The following PRRG1 variants were observed in gnomAD, a reference collection of about 807,000 sequenced individuals.
The protein encoded by PRRG1 is transmembrane gamma-carboxyglutamic acid protein 1.
In PRRG1, 5 loss-of-function variants were observed where a neutral mutation model predicts 11.8. The observed-to-expected ratio is 0.42, with a 90% CI of 0.22 to 0.89. The LOEUF is 0.89. PRRG1 is among the 40% of genes least tolerant of loss of function. PRRG1 has a pLI of 0.28. For missense variants in PRRG1, 155 were observed against 166.1 expected, an observed-to-expected ratio of 0.93 and a Z score of 0.37; for synonymous variants, 66 against 60.4, an observed-to-expected ratio of 1.09 and a Z score of -0.43.
At chrX:37,405,730 G>C (rs1556381860) in intron 1 of PRRG1, among the ~76,000 whole-genome samples, 2 of 111,529 alleles carry the variant, frequency 1.8e-5, no homozygotes, top group Non-Finnish European at 3.8e-5. Context: ...AATTTGATTA[G>C]GGATGCTGTT....
chrX:37,416,178 AAGAT>A (rs1393805399), intron 2 of PRRG1, among the ~76,000 whole-genome samples: 2 of 112,175 alleles, frequency 1.8e-5, no homozygotes, highest in Non-Finnish European at 3.8e-5. Flanking sequence ...GCTGGAGAGA[AAGAT>A]AGCCAAATGC....
At chrX:37,383,636 A>G (rs1169325291) in intron 1 of PRRG1, among the ~76,000 whole-genome samples, 1 of 111,612 alleles carries the variant, frequency 9.0e-6, no homozygotes, top group Non-Finnish European at 1.9e-5. Context: ...ATACAGTATG[A>G]CAATGTGAGA....
chrX:37,408,849 G>A (rs1932271589), intron 2 of PRRG1, among the ~76,000 whole-genome samples: 1 of 6,325 alleles, frequency 1.6e-4, no homozygotes, highest in Non-Finnish European at 2.1e-4. Context: ...AGAGGAGAGA[G>A]CTGCACTGAG....
At chrX:37,363,796 C>T (rs1173147757) in intron 1 of PRRG1, among the ~76,000 whole-genome samples, 4 of 111,687 alleles carry the variant, frequency 3.6e-5, no homozygotes, top group Non-Finnish European at 7.5e-5. Context: ...CCCAAAACTT[C>T]TTCCTTGACT....
At chrX:37,384,475 CTTATATTTCTA>C (rs1263191995) in intron 1 of PRRG1, among the ~76,000 whole-genome samples, 3 of 111,759 alleles carry the variant, frequency 2.7e-5, no homozygotes, top group African/African-American at 9.7e-5. Context: ...TCTTATTTCT[CTTATATTTCTA>C]GAAGAGGCAC....
At chrX:37,372,731 C>A (rs1930804600) in intron 1 of PRRG1, among the ~76,000 whole-genome samples, 1 of 112,836 alleles carries the variant, frequency 8.9e-6, no homozygotes, top group Non-Finnish European at 1.9e-5. Context: ...TATTTTCTCC[C>A]ATCCCATGGG....
Position 37,367,764 on chromosome X carries a change from A to AC in PRRG1, c.-42+18370dup, listed in dbSNP as rs781973387. ...CTCTATAAAAGCTATGAATGCTGAG[A>AC]CTTAAATGCTCTTGCGCTCTTCTTC... On this transcript the variant is annotated intron_variant, in intron 1 of 3. Transcript: ENST00000378628. Among the ~76,000 whole-genome samples, 5 of 112,262 alleles carry AC rather than the reference A, an allele frequency of 4.5e-5. 1 individual carries two copies. The Admixed American group carries it at 4.7e-4, about 11-fold the overall frequency.
intron 1 of PRRG1, among the ~76,000 whole-genome samples, chrX:37,402,100 G>A (rs1176355910): frequency 1.6e-4 from 17 of 108,133 alleles, no homozygotes; most frequent in South Asian, 4.0e-4. Flanking sequence ...CCATCAAGCT[G>A]CCAATGACTT....
intron 2 of PRRG1, among the ~76,000 whole-genome samples, chrX:37,423,911 T>C (rs781903614): frequency 3.6e-5 from 4 of 111,120 alleles, no homozygotes; most frequent in Non-Finnish European, 7.5e-5. Context: ...CCTGTATCTT[T>C]TCAATGTTTA....
chrX:37,353,608 C>G (rs782172695), intron 1 of PRRG1, among the ~76,000 whole-genome samples: 87 of 111,822 alleles, frequency 7.8e-4, no homozygotes, highest in Non-Finnish European at 1.5e-3. Context: ...ATGGTAAGTG[C>G]CCTATACAGA....
intron 2 of PRRG1, among the ~76,000 whole-genome samples, chrX:37,425,496 T>C (rs1161017489): frequency 8.9e-6 from 1 of 112,449 alleles, no homozygotes; most frequent in Non-Finnish European, 1.9e-5. Flanking sequence ...TGCTGCTGTC[T>C]GTCAGCAGAA....
chrX:37,379,541 C>T lies in PRRG1; in HGVS notation c.-41-26668C>T, dbSNP rs182191506. 4.4e-3 allele frequency among the ~76,000 whole-genome samples: 487 copies of T among 110,936 alleles called. 5 individuals are homozygous for T. The highest frequency in any genetic ancestry group is 0.015 in the African/African-American group (473 of 30,651). ...AAATGATAAATATTTATATAAGGAA[C>T]TATGAAGTCACAATTAAAATTTATG... On this transcript the variant is annotated intron_variant, in intron 1 of 3. Coordinates refer to ENST00000378628, the MANE Select transcript of PRRG1 (RefSeq NM_001142395.2).
chrX:37,360,920 T>G (rs1382070526), intron 1 of PRRG1, among the ~76,000 whole-genome samples: 1 of 112,627 alleles, frequency 8.9e-6, no homozygotes, highest in Non-Finnish European at 1.9e-5. Context: ...TGAACACCTT[T>G]GGTATGTAAG....
At chrX:37,438,359 A>T (rs1556392580) in intron 3 of PRRG1, among the ~76,000 whole-genome samples, 1 of 110,590 alleles carries the variant, frequency 9.0e-6, no homozygotes, top group African/African-American at 3.3e-5. Context: ...TCATATTTTA[A>T]CTTCTCTGAA....
intron 3 of PRRG1, among the ~76,000 whole-genome samples, chrX:37,451,696 C>T (rs1306020425): frequency 8.9e-6 from 1 of 111,985 alleles, no homozygotes; most frequent in Non-Finnish European, 1.9e-5. Context: ...ATGTCCAGTT[C>T]CTCTTAGAAT....
chrX:37,395,351 A>G (rs1931677339), intron 1 of PRRG1, among the ~76,000 whole-genome samples: 1 of 111,485 alleles, frequency 9.0e-6, no homozygotes, highest in African/African-American at 3.3e-5. Context: ...ACAGTGGTTC[A>G]CTCCTGTAAT....
chrX:37,450,489 A>T (rs1307484056), intron 3 of PRRG1, among the ~76,000 whole-genome samples: 2 of 112,199 alleles, frequency 1.8e-5, no homozygotes, highest in Non-Finnish European at 1.9e-5. Flanking sequence ...TAGACTAAAA[A>T]TTTTTTATTT....
At chrX:37,405,393 T>G (rs1019868366) in intron 1 of PRRG1, among the ~76,000 whole-genome samples, 46 of 112,025 alleles carry the variant, frequency 4.1e-4, no homozygotes, top group African/African-American at 1.5e-3. Context: ...CTTAATGGAC[T>G]GATAGTTTAT....
intron 1 of PRRG1, among the ~76,000 whole-genome samples, chrX:37,354,645 G>A (rs1005003702): frequency 2.7e-5 from 3 of 109,940 alleles, no homozygotes; most frequent in Non-Finnish European, 5.7e-5. Context: ...CGCCTGCCTC[G>A]GCCTCCCAAA....
Sources: allele counts gnomAD v4.1 joint callset (sites outside exome capture counted in the v4.1 genomes callset), GRCh38; gene constraint gnomAD v4.1.1; transcripts MANE v1.5; gene names NCBI Gene and HGNC (gene_info 2026-07-23, HGNC 2026-07-21).